Variants in FBXW11 observed in about 807,000 individuals in gnomAD.
FBXW11 encodes the protein F-box/WD repeat-containing protein 11.
Under a neutral mutation model 77.6 loss-of-function variants are expected in FBXW11, and 19 were observed. The ratio of observed to expected loss-of-function variants is 0.24; its 90% CI spans 0.17 to 0.36. FBXW11 has a LOEUF of 0.36. Ranked by LOEUF, FBXW11 falls within the 10% of genes least tolerant of loss-of-function variation. The probability of loss-of-function intolerance (pLI) is 1.00; values close to 1 mark genes in which losing one functional copy is unlikely to be tolerated. For missense variants in FBXW11, 334 were observed against 704.2 expected (o/e 0.47, Z 5.95); for synonymous variants, 235 against 249.4 (o/e 0.94, Z 0.54).
At chr5:171,877,973 G>C (rs1451655595) in intron 8 of FBXW11, 38 bp downstream of exon 8, 1 of 1,465,150 alleles carries the variant, frequency 6.8e-7, no homozygotes, top group South Asian at 1.2e-5. Flanking sequence ...TCTCAGGGAA[G>C]GCTTACAAGT....
At chr5:171,971,992 G>A (rs1764557934) in intron 1 of FBXW11, among the ~76,000 whole-genome samples, 1 of 151,284 alleles carries the variant, frequency 6.6e-6, no homozygotes, top group South Asian at 2.1e-4. Flanking sequence ...AGAATTTTGG[G>A]AGGCTGACAC....
At position 171,878,109 on chromosome 5, in the gene FBXW11, C is replaced by T; in HGVS notation, c.873G>A (p.Leu291=). The T allele has an allele frequency of 6.2e-7, 1 of 1,613,730 alleles. No individual in the cohort carries two copies. The highest frequency in any genetic ancestry group is 8.5e-7 in the Non-Finnish European group (1 of 1,179,794). The stretch of plus-strand genomic sequence containing the variant: ...GTCCTGTTAACACTTTCAAACATTC[C>T]AGGCTGGTTTTATCCCATATCTATT... ...NSIKIWDKTS[L]ECLKVLTGHT... Residue 291 remains leucine, a synonymous_variant, in exon 8 of 14, where the codon CTG becomes CTA. Transcript: ENST00000517395.
intron 13 of FBXW11, 53 bp from the exon 14 acceptor site, chr5:171,864,154 A>G (rs1232134794): frequency 6.6e-6 from 1 of 152,250 alleles, no homozygotes; most frequent in East Asian, 1.9e-4. Flanking sequence ...TTCCGTTTAG[A>G]TGAGAATACA....
At position 172,006,619 on chromosome 5, in the gene FBXW11, A is replaced by C. The variant is rs1766800217; in HGVS notation, c.-117T>G. 12 of 1,300,986 alleles carry C rather than the reference A, an allele frequency of 9.2e-6. No individual in the cohort carries two copies. Among genetic ancestry groups the C allele is most frequent in the African/African-American group, 1.6e-5 (1 of 64,202 alleles). 80.6% of individuals were successfully genotyped at this position (1,300,986 alleles called of 1,614,324 possible). ...GGCTATCGCACCCACTCTAGCTGCCAGCCCGCCCGGGCCGCCGGCAGCTCC... is the reference window on the plus strand; with the variant it reads ...GGCTATCGCACCCACTCTAGCTGCCCGCCCGCCCGGGCCGCCGGCAGCTCC... On this transcript the variant is annotated 5_prime_UTR_variant, in exon 1 of 14. Transcript: ENST00000517395.
At chr5:171,871,652 G>GA (rs1300940002) in intron 10 of FBXW11, among the ~76,000 whole-genome samples, 2 of 152,046 alleles carry the variant, frequency 1.3e-5, no homozygotes. Flanking sequence ...AGTATTTGTA[G>GA]AAAAAAATCA....
chr5:171,965,461 G>C (rs1259834756), intron 1 of FBXW11, among the ~76,000 whole-genome samples: 1 of 151,688 alleles, frequency 6.6e-6, no homozygotes, highest in Non-Finnish European at 1.5e-5. Flanking sequence ...AGGAGGCAGA[G>C]GTTACAGGGA....
At chr5:171,984,231 T>C (rs1034442741) in intron 1 of FBXW11, among the ~76,000 whole-genome samples, 1 of 152,238 alleles carries the variant, frequency 6.6e-6, no homozygotes, top group Non-Finnish European at 1.5e-5. Context: ...TAATTTGATC[T>C]AGGTAGTGGT....
Position 171,932,064 on chromosome 5 carries a change from G to T in FBXW11, c.148-17659C>A, listed in dbSNP as rs140439543. ...TAATTTTTGTATATTTTGTGGAGAT[G>T]AGGTCTTGCCATGTTGCCCAAGCTG... is the stretch of plus-strand genomic sequence containing the variant. On this transcript the variant is annotated intron_variant, in intron 2 of 13. Coordinates refer to ENST00000517395, the MANE Select transcript of FBXW11 (RefSeq NM_001378974.1). Among the ~76,000 whole-genome samples, 651 of 151,980 alleles carry T rather than the reference G, an allele frequency of 4.3e-3. 4 individuals are homozygous for T. The highest frequency in any genetic ancestry group is 0.015 in the African/African-American group (607 of 41,414).
At position 171,874,752 on chromosome 5, in the gene FBXW11, CAAAAAAAAAAAAA is replaced by C. The variant is rs34775989; in HGVS notation, c.1221+1520_1221+1532del. ...GTGACAAAGTGAGACCTGGTCTCTA[CAAAAAAAAAAAAA>C]AAAAAAAAAAAAGGGCCGGGCCTGG... On this transcript the variant is annotated intron_variant, in intron 9 of 13. Coordinates refer to ENST00000517395, the MANE Select transcript of FBXW11 (RefSeq NM_001378974.1). 1.3e-4 allele frequency among the ~76,000 whole-genome samples: 5 copies of C among 38,130 alleles called. No homozygotes were observed. The East Asian group carries it at 3.7e-3, about 28-fold the overall frequency. 25.0% of individuals were successfully genotyped at this position (38,130 alleles called of 152,430 possible). A position where few individuals can be genotyped will look rare whatever the true frequency, so the allele number is the denominator to read the frequency against.
intron 2 of FBXW11, among the ~76,000 whole-genome samples, chr5:171,941,545 CCG>C (rs1388067557): frequency 6.6e-6 from 1 of 151,208 alleles, no homozygotes; most frequent in Non-Finnish European, 1.5e-5. Flanking sequence ...TGCTAATTTA[CCG>C]ATTTGATTCT....
chr5:171,923,671 A>T (rs839272), intron 2 of FBXW11, among the ~76,000 whole-genome samples: 15 of 152,070 alleles, frequency 9.9e-5, no homozygotes, highest in South Asian at 8.3e-4. Context: ...CATTTTTTTT[A>T]AAACTGAAAT....
At chr5:171,878,161 T>C (rs1206270833) in intron 7 of FBXW11, 32 bp from the exon 8 acceptor site, 1 of 1,424,226 alleles carries the variant, frequency 7.0e-7, no homozygotes, top group Non-Finnish European at 9.9e-7. Flanking sequence ...CAAACGATGA[T>C]TAATTATACT....
intron 2 of FBXW11, among the ~76,000 whole-genome samples, chr5:171,957,290 T>C (rs1236587469): frequency 1.3e-5 from 2 of 151,894 alleles, no homozygotes; most frequent in Non-Finnish European, 2.9e-5. Context: ...AAATGGAAAA[T>C]GTCAGGAGTT....
At chr5:171,867,814 A>G (rs1017402638) in intron 13 of FBXW11, 4 of 152,246 alleles carry the variant, frequency 2.6e-5, no homozygotes, top group African/African-American at 9.6e-5. Flanking sequence ...AACAGTCTTT[A>G]TATACATATA....
At chr5:171,916,724 A>C (rs1761281445) in intron 2 of FBXW11, among the ~76,000 whole-genome samples, 1 of 152,110 alleles carries the variant, frequency 6.6e-6, no homozygotes, top group South Asian at 2.1e-4. Flanking sequence ...GCAAGGCCAC[A>C]ATGTCTGGGT....
At chr5:171,907,977 A>T (rs1760638172) in intron 4 of FBXW11, among the ~76,000 whole-genome samples, 1 of 152,244 alleles carries the variant, frequency 6.6e-6, no homozygotes, top group South Asian at 2.1e-4. Flanking sequence ...TTTGAGAAGC[A>T]AATTACAGGG....
intron 2 of FBXW11, among the ~76,000 whole-genome samples, chr5:171,934,310 A>T (rs1034316149): frequency 6.6e-6 from 1 of 152,232 alleles, no homozygotes; most frequent in Non-Finnish European, 1.5e-5. Context: ...CTCAAAAAAT[A>T]AAAACAAAAT....
intron 7 of FBXW11, among the ~76,000 whole-genome samples, chr5:171,887,483 C>T (rs1329177150): frequency 6.6e-6 from 1 of 151,786 alleles, no homozygotes; most frequent in Non-Finnish European, 1.5e-5. Context: ...AGAAAGCCCA[C>T]TACAATCTAT....
At chr5:171,914,510 AC>A in intron 2 of FBXW11, 105 bp from the exon 3 acceptor site, 1 of 911,740 alleles carries the variant, frequency 1.1e-6, no homozygotes. Flanking sequence ...ACCAATACAA[AC>A]CCAAGAACTA....
Sources: allele counts gnomAD v4.1 joint callset (sites outside exome capture counted in the v4.1 genomes callset), GRCh38; gene constraint gnomAD v4.1.1; transcripts MANE v1.5; gene names NCBI Gene and HGNC (gene_info 2026-07-23, HGNC 2026-07-21).